Variants in FBXL7 observed in about 807,000 individuals in gnomAD.
The protein encoded by FBXL7 is F-box/LRR-repeat protein 7.
A neutral mutation model predicts 38.3 loss-of-function variants in FBXL7; 12 were observed. The observed-to-expected ratio is 0.31, with a 90% CI of 0.20 to 0.51. The LOEUF (loss-of-function observed/expected upper bound fraction) is 0.51. Ranked by LOEUF, FBXL7 falls within the 20% of genes least tolerant of loss-of-function variation. The pLI, the probability that FBXL7 is intolerant of heterozygous loss-of-function variation, is 0.98. For missense variants in FBXL7, 567 were observed against 676.4 expected (o/e 0.84, Z 1.79); for synonymous variants, 297 against 300.9 (o/e 0.99, Z 0.13).
Position 15,533,116 on chromosome 5 carries a change from A to G in FBXL7, c.37+32403A>G, listed in dbSNP as rs1392524928. ...ACATTGAAGTCTGAAGCTTGGGGAG[A>G]AATCTGGGCCAGAGAGGTTTGGGAG... On this transcript the variant is annotated intron_variant, in intron 1 of 3. Coordinates refer to ENST00000504595, the MANE Select transcript of FBXL7 (RefSeq NM_012304.5). Among the ~76,000 whole-genome samples the G allele has an allele frequency of 2.0e-5, 3 of 152,104 alleles. No homozygotes were observed. In the East Asian group the frequency reaches 5.8e-4, roughly 29 times the overall value.
chr5:15,933,264 A>G (rs1267037347), intron 3 of FBXL7, among the ~76,000 whole-genome samples: 2 of 152,242 alleles, frequency 1.3e-5, no homozygotes, highest in East Asian at 1.9e-4. Context: ...ACTGAACTAA[A>G]CAAGTATTTC....
intron 2 of FBXL7, among the ~76,000 whole-genome samples, chr5:15,895,174 C>A (rs1397689143): frequency 5.9e-5 from 9 of 152,080 alleles, no homozygotes; most frequent in African/African-American, 1.7e-4. Context: ...GCAAAAACCT[C>A]AATTACCTAC....
chr5:15,701,786 A>G (rs746476662), intron 2 of FBXL7, among the ~76,000 whole-genome samples: 5 of 152,240 alleles, frequency 3.3e-5, no homozygotes, highest in Non-Finnish European at 7.3e-5. Flanking sequence ...GTAAAGATAA[A>G]GTACTCTTGA....
chr5:15,568,530 T>G (rs1380955796), intron 1 of FBXL7, among the ~76,000 whole-genome samples: 6 of 151,742 alleles, frequency 4.0e-5, no homozygotes, highest in East Asian at 1.9e-4. Context: ...TTTCTCCCAT[T>G]TTGTAGGTTG....
At chr5:15,824,067 C>A (rs2126766831) in intron 2 of FBXL7, among the ~76,000 whole-genome samples, 1 of 152,056 alleles carries the variant, frequency 6.6e-6, no homozygotes, top group African/African-American at 2.4e-5. Context: ...CACTTGAGGT[C>A]AGGAGTTCGA....
intron 2 of FBXL7, among the ~76,000 whole-genome samples, chr5:15,636,700 A>G (rs969865486): frequency 7.4e-6 from 1 of 135,036 alleles, no homozygotes; most frequent in Non-Finnish European, 1.6e-5. Context: ...TTTTTTGCAT[A>G]TGTGGTCGCT....
chr5:15,866,675 C>G (rs1272083171), intron 2 of FBXL7, among the ~76,000 whole-genome samples: 1 of 149,242 alleles, frequency 6.7e-6, no homozygotes, highest in Non-Finnish European at 1.5e-5. Context: ...CCCCCACCCC[C>G]CAACAAGACC....
chr5:15,556,780 T>TA, intron 1 of FBXL7, among the ~76,000 whole-genome samples: 1 of 152,100 alleles, frequency 6.6e-6, no homozygotes, highest in African/African-American at 2.4e-5. Flanking sequence ...CTGTGGCAAA[T>TA]AAAAAAGGAA....
At chr5:15,629,321 A>C (rs957001400) in intron 2 of FBXL7, among the ~76,000 whole-genome samples, 2 of 152,122 alleles carry the variant, frequency 1.3e-5, no homozygotes, top group African/African-American at 4.8e-5. Context: ...GAGTCAAGCA[A>C]AGGGTTCCTG....
At chr5:15,732,777 C>T (rs908428041) in intron 2 of FBXL7, among the ~76,000 whole-genome samples, 1 of 152,136 alleles carries the variant, frequency 6.6e-6, no homozygotes, top group Non-Finnish European at 1.5e-5. Context: ...TTGCTGAAGT[C>T]AGATATAGAA....
At chr5:15,533,242 A>G (rs1393506818) in intron 1 of FBXL7, among the ~76,000 whole-genome samples, 1 of 152,184 alleles carries the variant, frequency 6.6e-6, no homozygotes, top group Non-Finnish European at 1.5e-5. Flanking sequence ...CTCTTCTCTT[A>G]ATGCTCTGTG....
chr5:15,730,640 T>C (rs1735556877), intron 2 of FBXL7, among the ~76,000 whole-genome samples: 1 of 152,238 alleles, frequency 6.6e-6, no homozygotes, highest in South Asian at 2.1e-4. Flanking sequence ...TTTAGGAATA[T>C]AGATATAATC....
chr5:15,780,565 T>C (rs1452613168), intron 2 of FBXL7, among the ~76,000 whole-genome samples: 1 of 152,190 alleles, frequency 6.6e-6, no homozygotes, highest in Admixed American at 6.5e-5. Context: ...CACAGCCATA[T>C]TGTTTAGTCA....
intron 2 of FBXL7, among the ~76,000 whole-genome samples, chr5:15,842,706 T>C (rs1157218074): frequency 6.6e-6 from 1 of 152,160 alleles, no homozygotes; most frequent in East Asian, 1.9e-4. Context: ...ATTGTAGTGA[T>C]TAAATCTCAC....
At chr5:15,567,066 G>C (rs1021872348) in intron 1 of FBXL7, among the ~76,000 whole-genome samples, 1 of 151,964 alleles carries the variant, frequency 6.6e-6, no homozygotes, top group Non-Finnish European at 1.5e-5. Flanking sequence ...AACAATTCTG[G>C]ACCTGTTGCA....
At chr5:15,764,548 G>A (rs955107201) in intron 2 of FBXL7, among the ~76,000 whole-genome samples, 25 of 152,306 alleles carry the variant, frequency 1.6e-4, no homozygotes, top group African/African-American at 6.0e-4. Context: ...AGGAGGGATA[G>A]GAGTTAGTAC....
Position 15,928,140 on chromosome 5 carries a change from C to G in FBXL7, c.378C>G (p.Phe126Leu), listed in dbSNP as rs1741938794. 6.2e-7 allele frequency: 1 copy of G among 1,611,396 alleles called. No homozygotes were observed. The highest frequency in any genetic ancestry group is 8.5e-7 in the Non-Finnish European group (1 of 1,179,206). ...RLPDHSMVQI[F>L]SFLPTNQLCR... The stretch of plus-strand genomic sequence containing the variant: ...CGGACCACTCCATGGTGCAGATCTT[C>G]TCCTTCCTGCCCACCAACCAGCTGT... Residue 126 changes from phenylalanine (F) to leucine (L), a missense_variant, in exon 3 of 4, where the codon TTC becomes TTG. Phe to Leu is a conservative substitution (Grantham distance 22). Coordinates refer to ENST00000504595, the MANE Select transcript of FBXL7 (RefSeq NM_012304.5). The surrounding 1 kb of genome is among the most constrained non-coding windows in gnomAD (Gnocchi z 4.0).
rs1029510436 is a variant in FBXL7 at position 15,582,410 on chromosome 5, A to G, written c.38-33573A>G. On this transcript the variant is annotated intron_variant, in intron 1 of 3. Transcript: ENST00000504595. ...TCTTCTCTGTTCTTGTATGATGGAA[A>G]AAAGGAAAGAGAAATCTCCTATATG... Among the ~76,000 whole-genome samples the G allele has an allele frequency of 2.0e-5, 3 of 152,366 alleles. No individual in the cohort carries two copies. In the East Asian group the frequency reaches 5.8e-4, roughly 29 times the overall value.
intron 2 of FBXL7, among the ~76,000 whole-genome samples, chr5:15,633,947 A>G (rs1243533067): frequency 2.0e-5 from 3 of 150,830 alleles, no homozygotes; most frequent in Non-Finnish European, 4.4e-5. Flanking sequence ...CACCCAGCTA[A>G]TTTTTGTATT....
Sources: allele counts gnomAD v4.1 joint callset (sites outside exome capture counted in the v4.1 genomes callset), GRCh38; gene constraint gnomAD v4.1.1; non-coding constraint Gnocchi (gnomAD v3.1); transcripts MANE v1.5; gene names NCBI Gene and HGNC (gene_info 2026-07-23, HGNC 2026-07-21).